The following COTL1 variants were observed in gnomAD, a reference collection of about 807,000 sequenced individuals.
COTL1 encodes coactosin like F-actin binding protein 1, also known as coactosin-like protein.
A neutral mutation model predicts 16.5 loss-of-function variants in COTL1; 15 were observed. That is an observed-to-expected ratio of 0.91 (90% CI 0.61 to 1.40). COTL1 has a LOEUF of 1.40. Among genes scored for constraint, COTL1 ranks in the 40% most tolerant of loss-of-function variants. The probability of loss-of-function intolerance (pLI) is 0.00; values close to 1 mark genes in which losing one functional copy is unlikely to be tolerated. For missense variants in COTL1, 220 were observed against 201.5 expected, an observed-to-expected ratio of 1.09 and a Z score of -0.56; for synonymous variants, 112 against 85.3, an observed-to-expected ratio of 1.31 and a Z score of -1.73.
intron 3 of COTL1, chr16:84,575,333 CAG>C (rs1567531346): frequency 6.7e-6 from 1 of 150,342 alleles, no homozygotes; most frequent in Admixed American, 6.6e-5. Flanking sequence ...TCACCACGCC[CAG>C]CCCATCCTTT....
At chr16:84,584,601 C>G (rs1904675491) in intron 3 of COTL1, among the ~76,000 whole-genome samples, 1 of 152,212 alleles carries the variant, frequency 6.6e-6, no homozygotes, top group African/African-American at 2.4e-5. Context: ...CCGTGAACAA[C>G]AAGATTCACG....
rs1567528736 is a variant in COTL1, at chr16:84,566,162, G to T, written c.*683C>A. ...GACCGTGCAGCAAAGCCACTGCCAG[G>T]TAAGTTTTAAGGCAAATTTTATCTC... is the stretch of plus-strand genomic sequence containing the variant. On this transcript the variant is annotated 3_prime_UTR_variant, in exon 4 of 4. Transcript: ENST00000262428. 1 of 152,748 alleles carries T rather than the reference G, an allele frequency of 6.5e-6. No homozygotes were observed. Among genetic ancestry groups the T allele is most frequent in the South Asian group, 2.1e-4 (1 of 4,830 alleles). The allele number at this position is 152,748 out of a possible 1,614,324, so 9.5% of individuals were successfully genotyped here.
intron 3 of COTL1, among the ~76,000 whole-genome samples, chr16:84,587,478 T>C (rs914541922): frequency 2.0e-5 from 3 of 152,046 alleles, no homozygotes; most frequent in African/African-American, 4.8e-5. Context: ...AAAATAAAAA[T>C]TGGAAGCAAC....
chr16:84,612,887 C>T (rs948074177), intron 2 of COTL1, among the ~76,000 whole-genome samples: 1 of 152,178 alleles, frequency 6.6e-6, no homozygotes, highest in African/African-American at 2.4e-5. Flanking sequence ...TCCCATTTTA[C>T]AGACCTAAAA....
chr16:84,611,629 G>A (rs1417630492), intron 2 of COTL1, among the ~76,000 whole-genome samples: 2 of 152,302 alleles, frequency 1.3e-5, no homozygotes, highest in East Asian at 3.9e-4. Flanking sequence ...CAGAGTAGCA[G>A]TCCCATATGT....
Position 84,572,523 on chromosome 16 carries a change from C to T in COTL1, c.319-5568G>A, listed in dbSNP as rs149574939. 7.5e-3 allele frequency among the ~76,000 whole-genome samples: 1,136 copies of T among 152,234 alleles called. 18 individuals are homozygous for T. Among genetic ancestry groups the T allele is most frequent in the African/African-American group, 0.026 (1,077 of 41,528 alleles). ...TCACCCAAGCTGGCGTGCAGTGGTG[C>T]GATCTCGGCTCACTGCAGGCTCAAC... On this transcript the variant is annotated intron_variant, in intron 3 of 3. Transcript: ENST00000262428.
chr16:84,579,892 G>T (rs577108552), intron 3 of COTL1, among the ~76,000 whole-genome samples: 1 of 152,346 alleles, frequency 6.6e-6, no homozygotes, highest in South Asian at 2.1e-4. Context: ...CTTTCATGAA[G>T]GCTGGGAAAC....
chr16:84,581,463 C>T (rs960206934), intron 3 of COTL1, among the ~76,000 whole-genome samples: 4 of 152,066 alleles, frequency 2.6e-5, no homozygotes, highest in African/African-American at 9.7e-5. Context: ...TGTAGGTTCT[C>T]CCGGCTGCCC....
At chr16:84,611,522 G>A (rs184496205) in intron 2 of COTL1, among the ~76,000 whole-genome samples, 98 of 152,244 alleles carry the variant, frequency 6.4e-4, no homozygotes, top group African/African-American at 2.1e-3. Flanking sequence ...TGAGACCAGC[G>A]GTCTGTCCTG....
chr16:84,605,690 C>T (rs1365334045), intron 2 of COTL1, among the ~76,000 whole-genome samples: 1 of 152,222 alleles, frequency 6.6e-6, no homozygotes, highest in Non-Finnish European at 1.5e-5. Context: ...TCTCTGGAAG[C>T]ACAAGAAGGC....
At chr16:84,616,915 C>G (rs1450142105) in intron 2 of COTL1, among the ~76,000 whole-genome samples, 1 of 152,214 alleles carries the variant, frequency 6.6e-6, no homozygotes, top group Non-Finnish European at 1.5e-5. Flanking sequence ...CAGTGGCTAT[C>G]TAGCCCCAAA....
intron 2 of COTL1, among the ~76,000 whole-genome samples, chr16:84,593,506 T>C (rs1010899353): frequency 1.0e-4 from 12 of 120,182 alleles, no homozygotes; most frequent in Non-Finnish European, 1.8e-4. Context: ...AAATTCACCA[T>C]TTTAACCACT....
intron 2 of COTL1, among the ~76,000 whole-genome samples, chr16:84,599,729 A>G (rs1905074229): frequency 6.6e-6 from 1 of 152,170 alleles, no homozygotes; most frequent in Admixed American, 6.5e-5. Flanking sequence ...AACTTTACAG[A>G]GACTCCGGAG....
intron 2 of COTL1, among the ~76,000 whole-genome samples, chr16:84,612,302 G>A (rs1413410189): frequency 6.6e-6 from 1 of 152,084 alleles, no homozygotes; most frequent in African/African-American, 2.4e-5. Context: ...GAACTACTGA[G>A]CTAAGCACCT....
intron 2 of COTL1, among the ~76,000 whole-genome samples, chr16:84,594,089 G>A (rs1346107121): frequency 2.0e-5 from 3 of 152,176 alleles, no homozygotes; most frequent in Non-Finnish European, 4.4e-5. Context: ...CCCTGCTGCC[G>A]CATGTGCGGG....
At chr16:84,604,467 G>T (rs533605018) in intron 2 of COTL1, among the ~76,000 whole-genome samples, 3 of 151,718 alleles carry the variant, frequency 2.0e-5, no homozygotes, top group African/African-American at 7.3e-5. Flanking sequence ...GGACATTTCA[G>T]TGGGTTTCGG....
At chr16:84,613,282 G>T (rs1022871840) in intron 2 of COTL1, among the ~76,000 whole-genome samples, 1 of 152,164 alleles carries the variant, frequency 6.6e-6, no homozygotes, top group Non-Finnish European at 1.5e-5. Context: ...TTACAGGCAT[G>T]AGCCACGGCG....
chr16:84,577,849 G>A (rs1220141607), intron 3 of COTL1, among the ~76,000 whole-genome samples: 3 of 152,102 alleles, frequency 2.0e-5, no homozygotes, highest in Non-Finnish European at 2.9e-5. Context: ...AAATAGAGGC[G>A]GCTGTTCCTA....
intron 2 of COTL1, among the ~76,000 whole-genome samples, chr16:84,601,552 G>C (rs188643236): frequency 1.7e-3 from 266 of 152,238 alleles, no homozygotes; most frequent in African/African-American, 5.8e-3. Context: ...CGCCTCCCGG[G>C]TTCAAGCAGT....
Sources: allele counts gnomAD v4.1 joint callset (sites outside exome capture counted in the v4.1 genomes callset), GRCh38; gene constraint gnomAD v4.1.1; transcripts MANE v1.5; gene names NCBI Gene and HGNC (gene_info 2026-07-23, HGNC 2026-07-21).